Variants in MFHAS1 observed in about 807,000 individuals in gnomAD.
MFHAS1 encodes the protein malignant fibrous histiocytoma-amplified sequence 1.
Under a neutral mutation model 70.4 loss-of-function variants are expected in MFHAS1, and 50 were observed. That is an observed-to-expected ratio of 0.71 (90% CI 0.57 to 0.90). The LOEUF (loss-of-function observed/expected upper bound fraction) is 0.90. MFHAS1 is among the 40% of genes least tolerant of loss of function. The pLI is 0.00. For synonymous variants in MFHAS1, 952 were observed against 620.0 expected (o/e 1.54, Z -7.96); for missense variants, 1,795 against 1,347.6 (o/e 1.33, Z -5.20).
intron 2 of MFHAS1, among the ~76,000 whole-genome samples, chr8:8,794,668 G>C (rs1204722798): frequency 3.3e-5 from 5 of 152,074 alleles, no homozygotes; most frequent in African/African-American, 1.2e-4. Context: ...TCCCTACTTA[G>C]AGAACATTCC....
At chr8:8,812,365 C>T (rs148241947) in intron 1 of MFHAS1, among the ~76,000 whole-genome samples, 205 of 152,260 alleles carry the variant, frequency 1.3e-3, no homozygotes, top group Admixed American at 2.4e-3. Context: ...CTGGTCAGTA[C>T]GCTGCTGGGT....
intron 1 of MFHAS1, among the ~76,000 whole-genome samples, chr8:8,811,483 G>A (rs912526604): frequency 6.6e-6 from 1 of 152,004 alleles, no homozygotes; most frequent in South Asian, 2.1e-4. Context: ...TCGCCATGTT[G>A]CCCAGCCTGG....
chr8:8,841,749 C>G (rs1285501981), intron 1 of MFHAS1, among the ~76,000 whole-genome samples: 2 of 152,296 alleles, frequency 1.3e-5, no homozygotes, highest in South Asian at 2.1e-4. Flanking sequence ...CTTCCAGACC[C>G]CACATGGGCC....
intron 1 of MFHAS1, among the ~76,000 whole-genome samples, chr8:8,885,103 G>A (rs750828888): frequency 3.3e-5 from 5 of 152,058 alleles, no homozygotes; most frequent in Admixed American, 6.6e-5. Flanking sequence ...ATATCATGAC[G>A]CAACCAAACA....
At chr8:8,800,424 C>T (rs1009697583) in intron 1 of MFHAS1, among the ~76,000 whole-genome samples, 4 of 152,196 alleles carry the variant, frequency 2.6e-5, no homozygotes, top group African/African-American at 9.6e-5. Flanking sequence ...ACAGCATGTT[C>T]GAGCTAGACT....
intron 1 of MFHAS1, among the ~76,000 whole-genome samples, chr8:8,837,722 G>C (rs759058386): frequency 6.6e-6 from 1 of 151,090 alleles, no homozygotes; most frequent in African/African-American, 2.4e-5. Flanking sequence ...AACACAATGA[G>C]ATACCACTGC....
intron 1 of MFHAS1, among the ~76,000 whole-genome samples, chr8:8,819,380 C>T (rs917118152): frequency 1.2e-4 from 18 of 152,028 alleles, no homozygotes; most frequent in East Asian, 3.9e-4. Context: ...CCGAGGTGGG[C>T]GGATCACGAG....
intron 1 of MFHAS1, among the ~76,000 whole-genome samples, chr8:8,864,689 G>A (rs1317302635): frequency 6.6e-6 from 1 of 152,122 alleles, no homozygotes; most frequent in African/African-American, 2.4e-5. Context: ...AATGTATCAT[G>A]TAAACTGAAT....
chr8:8,857,780 T>C (rs540098913), intron 1 of MFHAS1, among the ~76,000 whole-genome samples: 15 of 151,512 alleles, frequency 9.9e-5, no homozygotes, highest in African/African-American at 3.6e-4. Context: ...CAAAAAAAAA[T>C]CTTTTGTTTG....
At chr8:8,856,316 C>A (rs896824546) in intron 1 of MFHAS1, among the ~76,000 whole-genome samples, 3 of 152,230 alleles carry the variant, frequency 2.0e-5, no homozygotes, top group African/African-American at 7.2e-5. Context: ...TCTCATGGCA[C>A]TGGGGCAAGC....
intron 1 of MFHAS1, among the ~76,000 whole-genome samples, chr8:8,819,672 A>G (rs1806881111): frequency 6.6e-6 from 1 of 151,992 alleles, no homozygotes; most frequent in African/African-American, 2.4e-5. Flanking sequence ...AGAAAGGGAA[A>G]TACATGGCTG....
chr8:8,860,989 T>C (rs969067527), intron 1 of MFHAS1, among the ~76,000 whole-genome samples: 1 of 152,004 alleles, frequency 6.6e-6, no homozygotes, highest in South Asian at 2.1e-4. Flanking sequence ...GAACTGGGAG[T>C]TCTATTTCAC....
rs757488926 is a variant in MFHAS1 at position 8,797,499 on chromosome 8, A to C, written c.2999-8T>G. On this transcript the variant is annotated splice_polypyrimidine_tract_variant and splice_region_variant and intron_variant, in intron 1 of 2. Coordinates refer to ENST00000276282, the MANE Select transcript of MFHAS1 (RefSeq NM_004225.3). The stretch of plus-strand genomic sequence containing the variant: ...GCTGACTCAGCAACTCCCCTGTAGG[A>C]GGAGAGAGAAAAACGTGTTAGGGAG... The C allele has an allele frequency of 1.2e-6, 2 of 1,612,366 alleles. No individual in the cohort carries two copies. The highest frequency in any genetic ancestry group is 1.1e-5 in the South Asian group (1 of 90,990).
intron 1 of MFHAS1, among the ~76,000 whole-genome samples, chr8:8,888,870 C>G (rs1006197498): frequency 1.3e-5 from 2 of 152,126 alleles, no homozygotes; most frequent in African/African-American, 4.8e-5. Context: ...TGATGTGTCA[C>G]TGCAGGTTTA....
chr8:8,850,848 A>G (rs1289788694), intron 1 of MFHAS1, among the ~76,000 whole-genome samples: 1 of 151,862 alleles, frequency 6.6e-6, no homozygotes, highest in African/African-American at 2.4e-5. Context: ...GAACACCCAG[A>G]AAGATCAGGT....
At chr8:8,874,678 C>A (rs896276226) in intron 1 of MFHAS1, among the ~76,000 whole-genome samples, 1 of 151,758 alleles carries the variant, frequency 6.6e-6, no homozygotes, top group African/African-American at 2.4e-5. Flanking sequence ...CTATGTGATT[C>A]CCGCTGTCAC....
In MFHAS1 at chr8:8,891,903, T is replaced by C. The variant is rs765051077; in HGVS notation, c.1156A>G (p.Met386Val). 6 of 1,610,882 alleles carry C rather than the reference T, an allele frequency of 3.7e-6. No homozygotes were observed. In the Admixed American group the frequency reaches 6.7e-5, roughly 18 times the overall value. Residue 386 changes from methionine to valine, a missense_variant, in exon 1 of 3, where the codon ATG (methionine) becomes GTG (valine). Coordinates refer to ENST00000276282, the MANE Select transcript of MFHAS1 (RefSeq NM_004225.3). The surrounding 1 kb of genome is among the most constrained non-coding windows in gnomAD (Gnocchi z 5.4). ...GCTGCGATGTAGGGGATCCCCTTCA[T>C]GCAGACCTCGTAGGGGGGCTGGATC... is the stretch of plus-strand genomic sequence containing the variant. ...PLIQPPYEVC[M>V]KGIPYIAAYQ... is the part of the protein sequence containing the mutation.
rs1437112586 is a variant in MFHAS1 at position 8,868,091 on chromosome 8, A to C, written c.2998+21970T>G. 3.3e-5 allele frequency among the ~76,000 whole-genome samples: 5 copies of C among 152,020 alleles called. No homozygotes were observed. The South Asian group carries it at 1.0e-3, about 32-fold the overall frequency. ...ATTATAATAAGTGGTATAGCGCACAAACCTGATCCATTTTCTAGACCAAGT... is the reference window on the plus strand; with the variant it reads ...ATTATAATAAGTGGTATAGCGCACACACCTGATCCATTTTCTAGACCAAGT... On this transcript the variant is annotated intron_variant, in intron 1 of 2. Coordinates refer to ENST00000276282, the MANE Select transcript of MFHAS1 (RefSeq NM_004225.3).
chr8:8,817,852 C>T (rs756249275), intron 1 of MFHAS1, among the ~76,000 whole-genome samples: 3 of 152,142 alleles, frequency 2.0e-5, no homozygotes, highest in Admixed American at 6.5e-5. Flanking sequence ...TGCCGCTGAT[C>T]GGACAGGAGG....
Sources: gnomAD v4.1 joint callset for allele counts (sites outside exome capture counted in the v4.1 genomes callset) on GRCh38, gnomAD v4.1.1 for gene constraint, Gnocchi (gnomAD v3.1) non-coding constraint, MANE v1.5 for transcripts, NCBI Gene and HGNC (gene_info 2026-07-23, HGNC 2026-07-21) for gene names.